The following ZNF423 variants were observed in gnomAD, a reference collection of about 807,000 sequenced individuals.
The protein encoded by ZNF423 is zinc finger protein 423, also known as Ebf-associated zinc finger protein.
A neutral mutation model predicts 95.8 loss-of-function variants in ZNF423; 12 were observed. The ratio of observed to expected loss-of-function variants is 0.13; its 90% CI spans 0.08 to 0.20. The LOEUF (loss-of-function observed/expected upper bound fraction) is 0.20, where lower values mean the gene tolerates loss of function less well. Among genes scored for constraint, ZNF423 ranks in the 10% least tolerant of loss-of-function variants. The pLI, the probability that ZNF423 is intolerant of heterozygous loss-of-function variation, is 1.00. For synonymous variants in ZNF423, 749 were observed against 711.9 expected, an observed-to-expected ratio of 1.05 and a Z score of -0.83; for missense variants, 1,316 against 1,737.1, an observed-to-expected ratio of 0.76 and a Z score of 4.31.
rs570869458 is a variant in ZNF423 at position 49,834,558 on chromosome 16, G to C, written c.40+21177C>G. ...TGCGTCCCCTCTGGGAAGCACGCTC[G>C]CCAAGGAGGCGGTGGTAGGAGGGAC... is the stretch of plus-strand genomic sequence containing the variant. On this transcript the variant is annotated intron_variant, in intron 1 of 7. Coordinates refer to ENST00000563137, the MANE Select transcript of ZNF423 (RefSeq NM_001379286.1). 1.8e-4 allele frequency among the ~76,000 whole-genome samples: 27 copies of C among 152,180 alleles called. 1 individual carries two copies. Among genetic ancestry groups the C allele is most frequent in the Admixed American group, 1.4e-3 (21 of 15,304 alleles).
intron 5 of ZNF423, among the ~76,000 whole-genome samples, chr16:49,542,253 C>T (rs1969278416): frequency 6.6e-6 from 1 of 152,204 alleles, no homozygotes; most frequent in Non-Finnish European, 1.5e-5. Context: ...GGGCAAATTG[C>T]TCCCTCTGGC....
intron 3 of ZNF423, among the ~76,000 whole-genome samples, chr16:49,668,531 C>T (rs1475824234): frequency 6.6e-6 from 1 of 152,204 alleles, no homozygotes; most frequent in Non-Finnish European, 1.5e-5. Context: ...TGGTAGCTGT[C>T]CTGGTCCTGT....
chr16:49,543,222 G>A (rs536705212), intron 5 of ZNF423, among the ~76,000 whole-genome samples: 43 of 152,264 alleles, frequency 2.8e-4, no homozygotes, highest in Non-Finnish European at 4.4e-4. Flanking sequence ...AACACACAAA[G>A]AAAATCCAAA....
chr16:49,843,695 C>T (rs2035214459), intron 1 of ZNF423, among the ~76,000 whole-genome samples: 1 of 152,158 alleles, frequency 6.6e-6, no homozygotes, highest in Non-Finnish European at 1.5e-5. Context: ...GGAATCTTGA[C>T]TCAGACCTTC....
In ZNF423 at chr16:49,637,556, G is replaced by A. The variant is rs199757580; in HGVS notation, c.1620C>T (p.Leu540=). The change falls in exon 4 of 8, where the codon CTC becomes CTT. Residue 540 remains leucine (L), a synonymous_variant. Coordinates refer to ENST00000563137, the MANE Select transcript of ZNF423 (RefSeq NM_001379286.1). This position sits in a 1 kb window ranked among gnomAD's most constrained non-coding sequence, Gnocchi z 5.6. ...CSMGFLTESS[L]TEHIQQAHCS... is the part of the protein sequence containing the mutation. ...AGTGGGCCTGCTGGATGTGCTCGGT[G>A]AGGGAGGACTCAGTAAGGAAACCCA... 1 of 1,614,140 alleles carries A rather than the reference G, an allele frequency of 6.2e-7. No homozygotes were observed. Among genetic ancestry groups the A allele is most frequent in the Admixed American group, 1.7e-5 (1 of 60,032 alleles).
At chr16:49,709,168 TTATA>T (rs534895949) in intron 3 of ZNF423, among the ~76,000 whole-genome samples, 1 of 93,420 alleles carries the variant, frequency 1.1e-5, no homozygotes, top group Admixed American at 1.0e-4. Flanking sequence ...CAGCAGCCGT[TTATA>T]TATATATATA....
chr16:49,567,979 T>G (rs1184752402), intron 5 of ZNF423, among the ~76,000 whole-genome samples: 1 of 152,172 alleles, frequency 6.6e-6, no homozygotes, highest in Non-Finnish European at 1.5e-5. Context: ...CCAAGAGTCT[T>G]TTGGGGAACC....
chr16:49,725,908 C>T (rs1055965742), intron 3 of ZNF423, among the ~76,000 whole-genome samples: 9 of 152,196 alleles, frequency 5.9e-5, no homozygotes, highest in African/African-American at 1.7e-4. Flanking sequence ...GATCAGGGAA[C>T]GGAGCTGAAG....
At chr16:49,684,068 CT>C (rs2031472229) in intron 3 of ZNF423, among the ~76,000 whole-genome samples, 1 of 152,010 alleles carries the variant, frequency 6.6e-6, no homozygotes, top group African/African-American at 2.4e-5. Context: ...AAGATCTGGT[CT>C]CAAAAAATTA....
At chr16:49,499,270 C>T (rs1269760796) in intron 7 of ZNF423, among the ~76,000 whole-genome samples, 7 of 152,214 alleles carry the variant, frequency 4.6e-5, no homozygotes, top group South Asian at 4.1e-4. Context: ...GAGGTTTTCC[C>T]GTCCCTGCCT....
intron 3 of ZNF423, chr16:49,664,384 G>T (rs1364267900): frequency 6.7e-6 from 5 of 748,896 alleles, no homozygotes; most frequent in Non-Finnish European, 8.1e-6. Context: ...AGGCACAGAT[G>T]GGGAGGGAGA....
chr16:49,586,121 CA>C (rs1970823606), intron 5 of ZNF423, among the ~76,000 whole-genome samples: 1 of 152,220 alleles, frequency 6.6e-6, no homozygotes, highest in South Asian at 2.1e-4. Context: ...CTCCTGGCCT[CA>C]CCTGGAAGAA....
chr16:49,492,204 C>A lies in ZNF423; in HGVS notation c.3850-900G>T, dbSNP rs545722329. ...CAGTGGTTCGTGTTCCAAATTCAGA[C>A]CCATTTCATCAAAGCCTCAGGTGGT... On this transcript the variant is annotated intron_variant, in intron 7 of 7. Coordinates refer to ENST00000563137, the MANE Select transcript of ZNF423 (RefSeq NM_001379286.1). The surrounding 1 kb of genome is among the most constrained non-coding windows in gnomAD (Gnocchi z 4.2). Among the ~76,000 whole-genome samples the A allele has an allele frequency of 3.4e-4, 51 of 152,220 alleles. No homozygotes were observed. Among genetic ancestry groups the A allele is most frequent in the Non-Finnish European group, 6.8e-4 (46 of 68,040 alleles).
Position 49,590,466 on chromosome 16 carries a change from C to T in ZNF423, c.3601+35704G>A, listed in dbSNP as rs144249978. ...GAAAAGAGAAAGCCACAGATACGGG[C>T]ATTCTTGCTCCCAGCTCACCCCAAT... On this transcript the variant is annotated intron_variant, in intron 5 of 7. Coordinates refer to ENST00000563137, the MANE Select transcript of ZNF423 (RefSeq NM_001379286.1). Among the ~76,000 whole-genome samples the T allele has an allele frequency of 4.4e-3, 663 of 152,252 alleles. 5 individuals are homozygous for T. Among genetic ancestry groups the T allele is most frequent in the African/African-American group, 0.015 (616 of 41,534 alleles).
At chr16:49,671,667 C>T (rs1167860395) in intron 3 of ZNF423, among the ~76,000 whole-genome samples, 7 of 152,100 alleles carry the variant, frequency 4.6e-5, no homozygotes, top group African/African-American at 1.7e-4. Context: ...GTGCCCCACA[C>T]GTTTTATTTT....
chr16:49,676,842 T>C (rs1002199914), intron 3 of ZNF423, among the ~76,000 whole-genome samples: 1 of 152,134 alleles, frequency 6.6e-6, no homozygotes, highest in African/African-American at 2.4e-5. Context: ...GTGGGGATGG[T>C]GGACTTAGCG....
In ZNF423 at chr16:49,637,631, G is replaced by A. The variant is rs1248312954; in HGVS notation, c.1545C>T (p.Asn515=). ...EHIRVSHCGP[N]ANPSDGNNAF... ...CATTATTACCGTCAGAGGGGTTGGC[G>A]TTGGGGCCGCAGTGGGAGACGCGGA... The change falls in exon 4 of 8, where the codon AAC becomes AAT. Residue 515 remains asparagine (N), a synonymous_variant. Coordinates refer to ENST00000563137, the MANE Select transcript of ZNF423 (RefSeq NM_001379286.1). The surrounding 1 kb of genome is among the most constrained non-coding windows in gnomAD (Gnocchi z 5.6). The A allele has an allele frequency of 1.5e-5, 24 of 1,613,934 alleles. No individual in the cohort carries two copies. The highest frequency in any genetic ancestry group is 1.3e-4 in the East Asian group (6 of 44,896).
Position 49,488,040 on chromosome 16 carries a change from C to T in ZNF423, c.*3235G>A, listed in dbSNP as rs1160019080. ...CCACATCTGCTGGTCATCTCCTTAT[C>T]CCCAGTGCCCTGTGCAGTGCCTGGC... is the stretch of plus-strand genomic sequence containing the variant. On this transcript the variant is annotated 3_prime_UTR_variant, in exon 8 of 8. Coordinates refer to ENST00000563137, the MANE Select transcript of ZNF423 (RefSeq NM_001379286.1). 6.6e-6 allele frequency: 1 copy of T among 152,250 alleles called. No individual in the cohort carries two copies. The highest frequency in any genetic ancestry group is 2.4e-5 in the African/African-American group (1 of 41,460). 9.4% of individuals were successfully genotyped at this position (152,250 alleles called of 1,614,324 possible).
intron 5 of ZNF423, among the ~76,000 whole-genome samples, chr16:49,530,842 G>A (rs555353416): frequency 2.6e-5 from 4 of 152,170 alleles, no homozygotes; most frequent in South Asian, 4.1e-4. Context: ...AGGGCAGAGC[G>A]GGGCAGCAGC....
Sources: allele counts gnomAD v4.1 joint callset (sites outside exome capture counted in the v4.1 genomes callset), GRCh38; gene constraint gnomAD v4.1.1; non-coding constraint Gnocchi (gnomAD v3.1); transcripts MANE v1.5; gene names NCBI Gene and HGNC (gene_info 2026-07-23, HGNC 2026-07-21).